PCDHGB2: variants seen among roughly 807,000 people sequenced by gnomAD.
The protein encoded by PCDHGB2 is protocadherin gamma-B2.
A neutral mutation model predicts 59.3 loss-of-function variants in PCDHGB2; 55 were observed. The observed-to-expected ratio is 0.93, with a 90% CI of 0.75 to 1.16. The LOEUF (loss-of-function observed/expected upper bound fraction) is 1.16. Among genes scored for constraint, PCDHGB2 ranks in the 50% most tolerant of loss-of-function variants. The pLI is 0.00. For missense variants in PCDHGB2, 1,228 were observed against 1,198.5 expected (o/e 1.02, Z -0.36); for synonymous variants, 516 against 512.0 (o/e 1.01, Z -0.11).
At chr5:141,379,889 C>CT (rs70988800) in intron 1 of PCDHGB2, among the ~76,000 whole-genome samples, 813 of 50,762 alleles carry the variant, frequency 0.016, 203 homozygotes, top group Non-Finnish European at 0.022. Flanking sequence ...GTGAAAGCCT[C>CT]TTTTTTTTTT....
chr5:141,456,872 A>C (rs1003618586), intron 1 of PCDHGB2, among the ~76,000 whole-genome samples: 2 of 152,152 alleles, frequency 1.3e-5, no homozygotes, highest in African/African-American at 4.8e-5. Context: ...CTGAGGCAGG[A>C]GAATCGCTTG....
At chr5:141,473,283 A>G (rs2099318531) in intron 1 of PCDHGB2, among the ~76,000 whole-genome samples, 1 of 152,324 alleles carries the variant, frequency 6.6e-6, no homozygotes, top group Non-Finnish European at 1.5e-5. Flanking sequence ...TTATTTTACT[A>G]TGTCAGTAGC....
chr5:141,392,896 G>A, intron 1 of PCDHGB2: 1 of 1,613,812 alleles, frequency 6.2e-7, no homozygotes, highest in Non-Finnish European at 8.5e-7. Flanking sequence ...GAAATCGGGA[G>A]GGGACAGATT....
In PCDHGB2 at chr5:141,374,228, G is replaced by A. The variant is rs776875063; in HGVS notation, c.2421+11672G>A. On this transcript the variant is annotated intron_variant, in intron 1 of 3. Coordinates refer to ENST00000522605, the MANE Select transcript of PCDHGB2 (RefSeq NM_018923.3). ...GAAAGGCTCCTTCGTAGGCAACATC[G>A]TCAAGGATCTGGGACTGGAGCCCCA... The A allele has an allele frequency of 3.1e-6, 5 of 1,613,988 alleles. No homozygotes were observed. In the South Asian group the frequency reaches 3.3e-5, roughly 11 times the overall value.
In PCDHGB2 at chr5:141,366,239, G is replaced by C. The variant is rs765141853; in HGVS notation, c.2421+3683G>C. On this transcript the variant is annotated intron_variant, in intron 1 of 3. Coordinates refer to ENST00000522605, the MANE Select transcript of PCDHGB2 (RefSeq NM_018923.3). ...AGCGCGAGCCCTGCTGGACAGAGAC[G>C]CGCTCAAGCAGAGCCTCGTGGTGGC... 6 of 1,613,776 alleles carry C rather than the reference G, an allele frequency of 3.7e-6. No individual in the cohort carries two copies. The Admixed American group carries it at 8.3e-5, about 22-fold the overall frequency.
At position 141,485,299 on chromosome 5, in the gene PCDHGB2, G is replaced by A; in HGVS notation, c.2422-9508G>A. On this transcript the variant is annotated intron_variant, in intron 1 of 3. Coordinates refer to ENST00000522605, the MANE Select transcript of PCDHGB2 (RefSeq NM_018923.3). The surrounding 1 kb of genome is among the most constrained non-coding windows in gnomAD (Gnocchi z 5.7). ...CGGTCCCAGAGGAGTCACAGGAAGG[G>A]ACTTTTGTAGGGAATGTCGCTCAAG... 1 of 1,614,180 alleles carries A rather than the reference G, an allele frequency of 6.2e-7. No individual in the cohort carries two copies. Among genetic ancestry groups the A allele is most frequent in the Non-Finnish European group, 8.5e-7 (1 of 1,180,012 alleles).
At chr5:141,438,538 A>G (rs950527053) in intron 1 of PCDHGB2, among the ~76,000 whole-genome samples, 2 of 145,166 alleles carry the variant, frequency 1.4e-5, no homozygotes, top group African/African-American at 2.6e-5. Context: ...CTTTTCCTCT[A>G]TATCTAAGCC....
At chr5:141,389,440 A>C (rs769871337) in intron 1 of PCDHGB2, 3 of 1,610,596 alleles carry the variant, frequency 1.9e-6, no homozygotes, top group Non-Finnish European at 2.5e-6. Context: ...CGCGCCTTCG[A>C]CCACGAGCAG....
At chr5:141,381,893 G>C (rs1777730137) in intron 1 of PCDHGB2, among the ~76,000 whole-genome samples, 1 of 121,222 alleles carries the variant, frequency 8.2e-6, no homozygotes, top group African/African-American at 3.2e-5. Context: ...GCAATGGTGT[G>C]ATCTCGGCTC....
intron 1 of PCDHGB2, among the ~76,000 whole-genome samples, chr5:141,450,467 T>C (rs997813636): frequency 9.2e-5 from 14 of 151,944 alleles, no homozygotes; most frequent in African/African-American, 3.2e-4. Flanking sequence ...ATTTTATATA[T>C]AGAGTTTGTT....
chr5:141,428,618 T>G (rs554092834), intron 1 of PCDHGB2: 12 of 206,130 alleles, frequency 5.8e-5, no homozygotes, highest in Admixed American at 2.6e-4. Context: ...AATAACAAGA[T>G]AAGCTCTAAC....
In PCDHGB2 at chr5:141,413,494, G is replaced by A. The variant is rs778441176; in HGVS notation, c.2421+50938G>A. The A allele has an allele frequency of 2.5e-5, 41 of 1,613,924 alleles. No homozygotes were observed. Among genetic ancestry groups the A allele is most frequent in the Non-Finnish European group, 3.1e-5 (37 of 1,179,948 alleles). On this transcript the variant is annotated intron_variant, in intron 1 of 3. Transcript: ENST00000522605. Reference sequence around the variant, plus strand: ...GCTCTGCGCTCAGAGCGCGCGGTGCGTGGTGAGTTTTAATATCCTTGTGGA... The same window carrying A: ...GCTCTGCGCTCAGAGCGCGCGGTGCATGGTGAGTTTTAATATCCTTGTGGA...
At chr5:141,381,342 T>C (rs931867398) in intron 1 of PCDHGB2, among the ~76,000 whole-genome samples, 3 of 152,254 alleles carry the variant, frequency 2.0e-5, no homozygotes, top group Non-Finnish European at 4.4e-5. Context: ...GAGCTTTCTT[T>C]TCTTTCTGCT....
chr5:141,491,178 C>T lies in PCDHGB2; in HGVS notation c.2422-3629C>T, dbSNP rs774139827. 6.2e-7 allele frequency: 1 copy of T among 1,614,146 alleles called. No individual in the cohort carries two copies. The highest frequency in any genetic ancestry group is 8.5e-7 in the Non-Finnish European group (1 of 1,179,992). On this transcript the variant is annotated intron_variant, in intron 1 of 3. Coordinates refer to ENST00000522605, the MANE Select transcript of PCDHGB2 (RefSeq NM_018923.3). The surrounding 1 kb of genome is among the most constrained non-coding windows in gnomAD (Gnocchi z 6.9). ...ACTCTGACACCCAGCAGGTGGTGGT[C>T]CTGGTGAGGGACAATGGTGACCCTT...
chr5:141,376,010 G>A (rs1479116283), intron 1 of PCDHGB2: 4 of 1,613,424 alleles, frequency 2.5e-6, no homozygotes, highest in Middle Eastern at 1.7e-4. Flanking sequence ...GCAGAGCCTA[G>A]TGGTGGCCGT....
intron 1 of PCDHGB2, among the ~76,000 whole-genome samples, chr5:141,482,794 G>A (rs374042779): frequency 6.2e-5 from 8 of 129,246 alleles, no homozygotes; most frequent in Non-Finnish European, 8.1e-5. Flanking sequence ...GTGTGTGGCC[G>A]GGTACGGTGG....
intron 1 of PCDHGB2, among the ~76,000 whole-genome samples, chr5:141,373,124 C>A (rs933714666): frequency 1.3e-5 from 2 of 152,188 alleles, no homozygotes; most frequent in Non-Finnish European, 2.9e-5. Context: ...GAATTAGACC[C>A]AAATCCTCAC....
At chr5:141,367,515 A>C (rs998835316) in intron 1 of PCDHGB2, 2 of 151,238 alleles carry the variant, frequency 1.3e-5, no homozygotes, top group African/African-American at 2.4e-5. Flanking sequence ...CCAGCCTGGG[A>C]GACAGAACGA....
chr5:141,412,976 A>C (rs2095594590), intron 1 of PCDHGB2: 1 of 535,900 alleles, frequency 1.9e-6, no homozygotes. Context: ...GAGAAAACGC[A>C]GCCAGAGCTC....
Sources: gnomAD v4.1 joint callset for allele counts (sites outside exome capture counted in the v4.1 genomes callset) on GRCh38, gnomAD v4.1.1 for gene constraint, Gnocchi (gnomAD v3.1) non-coding constraint, MANE v1.5 for transcripts, NCBI Gene and HGNC (gene_info 2026-07-23, HGNC 2026-07-21) for gene names.